TADA2B: variants seen among roughly 807,000 people sequenced by gnomAD.
TADA2B encodes transcriptional adapter 2-beta.
TADA2B carries 13 observed loss-of-function variants against 34.5 expected under a neutral mutation model. The observed-to-expected ratio is 0.38, with a 90% CI of 0.25 to 0.60. The LOEUF (loss-of-function observed/expected upper bound fraction) is 0.60. Among genes scored for constraint, TADA2B ranks in the 20% least tolerant of loss-of-function variants. TADA2B has a pLI of 0.65. For synonymous variants in TADA2B, 240 were observed against 243.4 expected, an observed-to-expected ratio of 0.99 and a Z score of 0.13; for missense variants, 442 against 575.0, an observed-to-expected ratio of 0.77 and a Z score of 2.37.
intron 1 of TADA2B, among the ~76,000 whole-genome samples, chr4:7,051,811 A>T (rs1014888673): frequency 1.6e-4 from 25 of 152,078 alleles, no homozygotes; most frequent in African/African-American, 5.8e-4. Flanking sequence ...GTTAGCCAGG[A>T]TGGTCTCGAT....
Position 7,054,685 on chromosome 4 carries a change from G to T in TADA2B, c.894G>T (p.Gly298=), listed in dbSNP as rs745728932. The part of the protein sequence containing the change: ...IRELQRYRRN[G]ITKMEESAEY... The stretch of plus-strand genomic sequence containing the variant: ...AACTGCAGCGGTACCGGCGAAACGG[G>T]ATCACCAAGATGGAAGAGTCGGCAG... The change falls in exon 2 of 2, where the codon GGG becomes GGT. Residue 298 remains glycine (G), a synonymous_variant. Transcript: ENST00000310074. 2.4e-5 allele frequency: 39 copies of T among 1,613,862 alleles called. No individual in the cohort carries two copies. Among genetic ancestry groups the T allele is most frequent in the Non-Finnish European group, 2.8e-5 (33 of 1,179,906 alleles).
rs1355958489 is a variant in TADA2B, at chr4:7,043,777, C to G, written c.198C>G (p.Ala66=). Residue 66 remains alanine, a synonymous_variant, in exon 1 of 2, where the codon GCC becomes GCG. Coordinates refer to ENST00000310074, the MANE Select transcript of TADA2B (RefSeq NM_152293.3). ...GGRFTLWGPE[A]EGGWTSREEQ... The stretch of plus-strand genomic sequence containing the variant: ...GCTTCACGCTCTGGGGGCCCGAGGC[C>G]GAGGGCGGCTGGACCAGTCGCGAGG... 4 of 1,570,890 alleles carry G rather than the reference C, an allele frequency of 2.5e-6. No individual in the cohort carries two copies. In the African/African-American group the frequency reaches 5.5e-5, roughly 21 times the overall value.
chr4:7,050,797 G>A (rs1374693961), intron 1 of TADA2B, among the ~76,000 whole-genome samples: 1 of 152,200 alleles, frequency 6.6e-6, no homozygotes, highest in Non-Finnish European at 1.5e-5. Flanking sequence ...GTCCGGCTTC[G>A]CTCTGCCTCT....
chr4:7,043,920 G>A, intron 1 of TADA2B, 71 bp downstream of exon 1: 1 of 1,409,138 alleles, frequency 7.1e-7, no homozygotes, highest in Non-Finnish European at 9.2e-7. Context: ...GTAATCGGGC[G>A]CGCAGGCAGC....
At chr4:7,053,307 G>A (rs1359369307) in intron 1 of TADA2B, 2 of 152,314 alleles carry the variant, frequency 1.3e-5, no homozygotes, top group African/African-American at 2.4e-5. Context: ...CCTCTTGTAG[G>A]AATGATGAAT....
At chr4:7,049,088 ATT>A (rs34062480) in intron 1 of TADA2B, among the ~76,000 whole-genome samples, 6 of 150,916 alleles carry the variant, frequency 4.0e-5, no homozygotes, top group East Asian at 1.9e-4. Flanking sequence ...TCTGTGTGTA[ATT>A]TTTTTTTTTT....
intron 1 of TADA2B, among the ~76,000 whole-genome samples, chr4:7,050,396 T>TG (rs1226059105): frequency 2.0e-5 from 3 of 152,242 alleles, no homozygotes; most frequent in Non-Finnish European, 4.4e-5. Flanking sequence ...CCGAGCTCCC[T>TG]GGGGAACTGA....
At chr4:7,051,287 C>T (rs1345641074) in intron 1 of TADA2B, among the ~76,000 whole-genome samples, 1 of 152,176 alleles carries the variant, frequency 6.6e-6, no homozygotes, top group Non-Finnish European at 1.5e-5. Context: ...TGACCGAGCA[C>T]ACGCTGTGGC....
chr4:7,057,906 T>C lies in TADA2B; in HGVS notation c.*2852T>C, dbSNP rs532119444. 3 of 152,134 alleles carry C rather than the reference T, an allele frequency of 2.0e-5. No individual in the cohort carries two copies. In the East Asian group the frequency reaches 5.8e-4, roughly 29 times the overall value. 9.4% of individuals were successfully genotyped at this position (152,134 alleles called of 1,614,324 possible). On this transcript the variant is annotated 3_prime_UTR_variant, in exon 2 of 2. Transcript: ENST00000310074. ...ATGTATTAAAAACAGCAACCCTGCC[T>C]ACCGTTTTGATGACCTTTTTCCATA... is the stretch of plus-strand genomic sequence containing the variant.
chr4:7,054,816 T>G lies in TADA2B; in HGVS notation c.1025T>G (p.Ile342Ser). ...GGCAAAGACAGCGAGTTCGCCGCCA[T>G]TGAGAACCTTCCAGGCTTCGAGCTC... The part of the protein sequence containing the change: ...EDGKDSEFAA[I>S]ENLPGFELLS... The change falls in exon 2 of 2, where the codon ATT (isoleucine) becomes AGT (serine). Residue 342 changes from isoleucine to serine, a missense_variant. Ile to Ser is a moderately radical substitution (Grantham distance 142, BLOSUM62 -2). Transcript: ENST00000310074. 6.2e-7 allele frequency: 1 copy of G among 1,613,902 alleles called. No individual in the cohort carries two copies.
At chr4:7,050,594 G>C (rs1342552470) in intron 1 of TADA2B, among the ~76,000 whole-genome samples, 2 of 152,174 alleles carry the variant, frequency 1.3e-5, no homozygotes, top group African/African-American at 4.8e-5. Flanking sequence ...GGGCCACCGA[G>C]GGACAGCAGA....
At chr4:7,050,632 G>A (rs748601336) in intron 1 of TADA2B, among the ~76,000 whole-genome samples, 52 of 152,174 alleles carry the variant, frequency 3.4e-4, no homozygotes, top group Admixed American at 6.5e-4. Flanking sequence ...CATCGCCCGG[G>A]ACAGGAGATG....
At chr4:7,043,878 G>A (rs1315306480) in intron 1 of TADA2B, 29 bp downstream of exon 1, 1 of 1,456,140 alleles carries the variant, frequency 6.9e-7, no homozygotes, top group South Asian at 1.4e-5. Flanking sequence ...GCCGGGTCCC[G>A]GCTAGGGCAC....
At position 7,054,892 on chromosome 4, in the gene TADA2B, C is replaced by T. The variant is rs1330810666; in HGVS notation, c.1101C>T (p.Ala367=). Residue 367 remains alanine, a synonymous_variant, in exon 2 of 2, where the codon GCC becomes GCT. Coordinates refer to ENST00000310074, the MANE Select transcript of TADA2B (RefSeq NM_152293.3). The part of the protein sequence containing the change: ...VLCSSLNLSP[A]RYVTVKTIII... ...GCAGCTCTTTAAACTTGAGTCCAGC[C>T]CGCTACGTGACTGTGAAGACTATTA... is the stretch of plus-strand genomic sequence containing the variant. 6.2e-7 allele frequency: 1 copy of T among 1,613,952 alleles called. No individual in the cohort carries two copies.
In TADA2B at chr4:7,054,470, A is replaced by G. The variant is rs1723842433; in HGVS notation, c.679A>G (p.Asn227Asp). ...GCGGAAGAACATCGCCCGTGACTAC[A>G]ATCTGGTGCCAGCCTTCCTGGGGAA... ...QRRKNIARDYNLVPAFLGKDK... is the reference protein window; with the variant it reads ...QRRKNIARDYDLVPAFLGKDK... The change falls in exon 2 of 2, where the codon AAT (asparagine) becomes GAT (aspartate). Residue 227 changes from asparagine to aspartate, a missense_variant. Asn to Asp is a conservative substitution (Grantham distance 23). Transcript: ENST00000310074. 1.2e-6 allele frequency: 2 copies of G among 1,613,710 alleles called. No individual in the cohort carries two copies. The highest frequency in any genetic ancestry group is 2.2e-5 in the South Asian group (2 of 91,088).
At chr4:7,049,793 G>A (rs539357428) in intron 1 of TADA2B, among the ~76,000 whole-genome samples, 1 of 152,382 alleles carries the variant, frequency 6.6e-6, no homozygotes, top group African/African-American at 2.4e-5. Flanking sequence ...AGAGCCAGGG[G>A]CCACCGCATG....
chr4:7,054,167 G>C lies in TADA2B; in HGVS notation c.376G>C (p.Asp126His). Residue 126 changes from aspartate (D) to histidine (H), a missense_variant, in exon 2 of 2, where the codon GAC becomes CAC. By Grantham distance (81) the Asp-to-His change is moderately conservative. This residue lies in a region of TADA2B where 222 missense variants were observed against 235.2 expected (regional missense o/e 0.94). Coordinates refer to ENST00000310074, the MANE Select transcript of TADA2B (RefSeq NM_152293.3). ...HGNLGKACIPDTIPNRVTDHT... is the reference protein window; with the variant it reads ...HGNLGKACIPHTIPNRVTDHT... ...GAACCTGGGGAAGGCCTGCATCCCC[G>C]ACACCATCCCCAACCGCGTGACAGA... 6.2e-7 allele frequency: 1 copy of C among 1,605,228 alleles called. No homozygotes were observed. Among genetic ancestry groups the C allele is most frequent in the Non-Finnish European group, 8.5e-7 (1 of 1,176,040 alleles).
In TADA2B at chr4:7,055,082, A is replaced by G; in HGVS notation, c.*28A>G. The stretch of plus-strand genomic sequence containing the variant: ...CTGAGACGCTTTGAAAGCCAGGGTG[A>G]TGCTCAGACAGTGTGCCAGCCAAAA... On this transcript the variant is annotated 3_prime_UTR_variant, in exon 2 of 2. Transcript: ENST00000310074. 2 of 1,569,030 alleles carry G rather than the reference A, an allele frequency of 1.3e-6. No homozygotes were observed. The highest frequency in any genetic ancestry group is 1.7e-6 in the Non-Finnish European group (2 of 1,158,464).
intron 1 of TADA2B, among the ~76,000 whole-genome samples, chr4:7,047,166 A>G (rs1723651181): frequency 6.6e-6 from 1 of 152,182 alleles, no homozygotes; most frequent in Admixed American, 6.5e-5. Context: ...ACAGGAACAC[A>G]GACGCAAACA....
Sources: gnomAD v4.1 joint callset for allele counts (sites outside exome capture counted in the v4.1 genomes callset) on GRCh38, gnomAD v4.1.1 for gene constraint, gnomAD v4.1.1 regional missense constraint, MANE v1.5 for transcripts, NCBI Gene and HGNC (gene_info 2026-07-23, HGNC 2026-07-21) for gene names.